ADCY7: variants seen among roughly 807,000 people sequenced by gnomAD.
ADCY7 encodes the protein adenylate cyclase type 7.
ADCY7 carries 72 observed loss-of-function variants against 120.6 expected under a neutral mutation model. That is an observed-to-expected ratio of 0.60 (90% CI 0.49 to 0.73). The LOEUF is 0.73. Among genes scored for constraint, ADCY7 ranks in the 30% least tolerant of loss-of-function variants. The pLI, the probability that ADCY7 is intolerant of heterozygous loss-of-function variation, is 0.00. For missense variants in ADCY7, 1,227 were observed against 1,486.0 expected (o/e 0.83, Z 2.87); for synonymous variants, 661 against 628.0 (o/e 1.05, Z -0.78).
intron 7 of ADCY7, among the ~76,000 whole-genome samples, chr16:50,296,455 G>C (rs2035359722): frequency 6.6e-6 from 1 of 150,718 alleles, no homozygotes; most frequent in Non-Finnish European, 1.5e-5. Context: ...CGCCTCCCGG[G>C]TTCACACCAT....
intron 11 of ADCY7, 116 bp from the exon 12 acceptor site, chr16:50,304,809 C>A: frequency 7.0e-7 from 1 of 1,429,294 alleles, no homozygotes; most frequent in Non-Finnish European, 9.9e-7. Context: ...GCTTGGACGA[C>A]CCCGACACCT....
intron 22 of ADCY7, chr16:50,313,318 G>T (rs981585967): frequency 5.1e-5 from 16 of 312,486 alleles, no homozygotes; most frequent in African/African-American, 3.2e-4. Flanking sequence ...TACTTGGGAG[G>T]CTGAGGCAGG....
At position 50,302,417 on chromosome 16, in the gene ADCY7, G is replaced by A. The variant is rs140377950; in HGVS notation, c.1368+1203G>A. The stretch of plus-strand genomic sequence containing the variant: ...CCAGGAGGCTCCAAAATCCACCCCC[G>A]CAGGCTGCCAGGTTGAGCAGGGAAA... On this transcript the variant is annotated intron_variant, in intron 10 of 25. Coordinates refer to ENST00000673801, the MANE Select transcript of ADCY7 (RefSeq NM_001114.5). Among the ~76,000 whole-genome samples, 179 of 152,270 alleles carry A rather than the reference G, an allele frequency of 1.2e-3. 1 individual carries two copies. In the East Asian group the frequency reaches 0.013, roughly 11 times the overall value.
rs1402463452 is a variant in ADCY7, at chr16:50,246,199, AGCAGGTGAGCGCGGGGC to A, written c.-65_-64+15del. On this transcript the variant is annotated splice_donor_variant and splice_donor_5th_base_variant and 5_prime_UTR_variant and intron_variant, in exon 1 of 5. Transcript: ENST00000564044. LOFTEE classifies it low-confidence loss of function (5UTR_SPLICE). ...GGGCGGCGGTGGAGCGGGAGCGCGCAGCAGGTGAGCGCGGGGCGCGGGGGAGCGCGGCGGGCGGGCCG... is the reference window on the plus strand; with the variant it reads ...GGGCGGCGGTGGAGCGGGAGCGCGCAGCGGGGGAGCGCGGCGGGCGGGCCG... 5 of 149,222 alleles carry A rather than the reference AGCAGGTGAGCGCGGGGC, an allele frequency of 3.4e-5. No homozygotes were observed. The highest frequency in any genetic ancestry group is 6.0e-5 in the Non-Finnish European group (4 of 66,658). The allele number at this position is 149,222 out of a possible 1,614,324, so 9.2% of individuals were successfully genotyped here.
At chr16:50,270,132 A>G (rs577016945) in intron 1 of ADCY7, among the ~76,000 whole-genome samples, 2 of 152,194 alleles carry the variant, frequency 1.3e-5, no homozygotes, top group East Asian at 3.9e-4. Flanking sequence ...AGCTGAGATC[A>G]TGCCACTGTA....
In ADCY7 at chr16:50,294,621, C is replaced by CCCCCAGCCCCCA; in HGVS notation, c.837-19_837-18insCCCCAGCCCCCA. The CCCCCAGCCCCCA allele has an allele frequency of 1.5e-6, 2 of 1,341,836 alleles. No homozygotes were observed. The highest frequency in any genetic ancestry group is 1.1e-6 in the Non-Finnish European group (1 of 940,024). The allele number at this position is 1,341,836 out of a possible 1,614,324, so 83.1% of individuals were successfully genotyped here. A position where few individuals can be genotyped will look rare whatever the true frequency, so the allele number is the denominator to read the frequency against. ...GGAGCCTGGCTCTGACACTCCCTCC[C>CCCCCAGCCCCCA]ACCCTGCCCCATCCCCAGCATCCTC... On this transcript the variant is annotated intron_variant, in intron 6 of 25. Coordinates refer to ENST00000673801, the MANE Select transcript of ADCY7 (RefSeq NM_001114.5).
chr16:50,309,785 G>C, intron 18 of ADCY7, 139 bp downstream of exon 18: 2 of 783,170 alleles, frequency 2.6e-6, no homozygotes, highest in Non-Finnish European at 3.9e-6. Context: ...CTCTCCTGCA[G>C]AGCTGGGAAA....
In ADCY7 at chr16:50,314,360, G is replaced by A; in HGVS notation, c.2925G>A (p.Leu975=). Residue 975 remains leucine, a synonymous_variant, in exon 24 of 26, where the codon CTG becomes CTA. Coordinates refer to ENST00000673801, the MANE Select transcript of ADCY7 (RefSeq NM_001114.5). ...VEFSIALMSK[L]DGINRHSFNS... ...TCAGCATCGCCCTGATGAGTAAGCT[G>A]GACGGCATCAACAGGCACTCCTTCA... 6.2e-7 allele frequency: 1 copy of A among 1,614,170 alleles called. No individual in the cohort carries two copies. Among genetic ancestry groups the A allele is most frequent in the Non-Finnish European group, 8.5e-7 (1 of 1,180,040 alleles).
chr16:50,260,867 C>G (rs1399406627), intron 1 of ADCY7, among the ~76,000 whole-genome samples: 3 of 152,200 alleles, frequency 2.0e-5, no homozygotes, highest in African/African-American at 7.2e-5. Context: ...GTGGAAGCTT[C>G]TGAGATCTTT....
chr16:50,313,677 T>A (rs1003362829), intron 22 of ADCY7: 8 of 376,376 alleles, frequency 2.1e-5, no homozygotes, highest in Non-Finnish European at 3.8e-5. Context: ...ACAAAGAATC[T>A]ACATTCCTGT....
chr16:50,250,350 G>A (rs1320597446), intron 1 of ADCY7, among the ~76,000 whole-genome samples: 2 of 151,788 alleles, frequency 1.3e-5, no homozygotes, highest in East Asian at 1.9e-4. Flanking sequence ...CCAGCTACTT[G>A]GGAGGCTGAG....
Position 50,246,665 on chromosome 16 carries a change from G to A in ADCY7, c.-64+462G>A, listed in dbSNP as rs563591954. ...CGGGCTGTGGGTCTGCAGCGCTCCC[G>A]CCGGAGCCAGCAGCGAGCAGGACCC... On this transcript the variant is annotated intron_variant, in intron 1 of 4. Transcript: ENST00000564044. 5.1e-4 allele frequency among the ~76,000 whole-genome samples: 78 copies of A among 152,308 alleles called. No homozygotes were observed. The Middle Eastern group carries it at 0.01, about 20-fold the overall frequency.
At chr16:50,273,122 GGT>G (rs2033675505) in intron 1 of ADCY7, among the ~76,000 whole-genome samples, 1 of 152,180 alleles carries the variant, frequency 6.6e-6, no homozygotes, top group African/African-American at 2.4e-5. Flanking sequence ...TGCTCACCCT[GGT>G]GTCTGGAGCT....
At chr16:50,290,365 G>A in intron 2 of ADCY7, 92 bp from the exon 3 acceptor site, 2 of 1,409,092 alleles carry the variant, frequency 1.4e-6, no homozygotes, top group Middle Eastern at 1.8e-4. Flanking sequence ...GGAGGAAGCT[G>A]TAAGTGAGGC....
At chr16:50,288,501 A>G (rs1442163827) in intron 2 of ADCY7, 151 bp downstream of exon 2, 8 of 891,864 alleles carry the variant, frequency 9.0e-6, no homozygotes, top group Admixed American at 3.3e-5. Flanking sequence ...TTTTTGAGAC[A>G]GAGTCTCACT....
rs776157408 is a variant in ADCY7 at position 50,312,026 on chromosome 16, C to T, written c.2449-10C>T. 6.2e-7 allele frequency: 1 copy of T among 1,613,896 alleles called. No individual in the cohort carries two copies. The highest frequency in any genetic ancestry group is 1.1e-5 in the South Asian group (1 of 91,088). On this transcript the variant is annotated splice_polypyrimidine_tract_variant and intron_variant, in intron 20 of 25. Coordinates refer to ENST00000673801, the MANE Select transcript of ADCY7 (RefSeq NM_001114.5). ...TGTGGACGGGGCGCTTATGTTGCTGCCGTTTGCAGATTGACTATTACTGCC... is the reference window on the plus strand; with the variant it reads ...TGTGGACGGGGCGCTTATGTTGCTGTCGTTTGCAGATTGACTATTACTGCC...
At chr16:50,312,397 C>T in intron 21 of ADCY7, among the ~76,000 whole-genome samples, 1 of 152,190 alleles carries the variant, frequency 6.6e-6, no homozygotes, top group East Asian at 1.9e-4. Flanking sequence ...TGGTCGTGAA[C>T]AAGGCACCTT....
At chr16:50,307,995 CA>C (rs34191947) in intron 15 of ADCY7, among the ~76,000 whole-genome samples, 12,492 of 64,594 alleles carry the variant, frequency 0.19, 161 homozygotes, top group South Asian at 0.25. Context: ...GACTCCATCT[CA>C]AAAAAAAAAA....
intron 1 of ADCY7, among the ~76,000 whole-genome samples, chr16:50,259,700 G>A (rs1275802534): frequency 2.0e-5 from 3 of 152,228 alleles, no homozygotes; most frequent in African/African-American, 7.2e-5. Context: ...AGGAGGGGCA[G>A]TAGCCGCAGG....
Sources: allele counts gnomAD v4.1 joint callset (sites outside exome capture counted in the v4.1 genomes callset), GRCh38; gene constraint gnomAD v4.1.1; transcripts MANE v1.5; gene names NCBI Gene and HGNC (gene_info 2026-07-23, HGNC 2026-07-21).